MAN1A1: variants seen among roughly 807,000 people sequenced by gnomAD.
The protein encoded by MAN1A1 is mannosidase alpha class 1A member 1.
Under a neutral mutation model 70.8 loss-of-function variants are expected in MAN1A1, and 29 were observed. That is an observed-to-expected ratio of 0.41 (90% CI 0.31 to 0.56). MAN1A1 has a LOEUF of 0.56. MAN1A1 is among the 20% of genes least tolerant of loss of function. The pLI, the probability that MAN1A1 is intolerant of heterozygous loss-of-function variation, is 0.29. For missense variants in MAN1A1, 747 were observed against 841.3 expected, an observed-to-expected ratio of 0.89 and a Z score of 1.39; for synonymous variants, 349 against 330.1, an observed-to-expected ratio of 1.06 and a Z score of -0.62.
At chr6:119,184,085 G>A (rs1445192191) in intron 11 of MAN1A1, among the ~76,000 whole-genome samples, 1 of 152,058 alleles carries the variant, frequency 6.6e-6, no homozygotes, top group South Asian at 2.1e-4. Context: ...TAAGACTTTA[G>A]GAACGTGAAG....
chr6:119,259,413 T>A (rs1387784623), intron 5 of MAN1A1, among the ~76,000 whole-genome samples: 1 of 152,218 alleles, frequency 6.6e-6, no homozygotes, highest in Non-Finnish European at 1.5e-5. Flanking sequence ...TTTGCAAATT[T>A]ACAAAGTCAA....
intron 9 of MAN1A1, 41 bp from the exon 10 acceptor site, chr6:119,189,924 C>A: frequency 6.9e-7 from 1 of 1,452,480 alleles, no homozygotes. Context: ...GTAATCTCTT[C>A]TCAAATTTAT....
chr6:119,266,406 T>C (rs566659960), intron 5 of MAN1A1, among the ~76,000 whole-genome samples: 1 of 152,202 alleles, frequency 6.6e-6, no homozygotes, highest in Non-Finnish European at 1.5e-5. Context: ...TGGAACAGAA[T>C]AGAGAGCCTA....
intron 6 of MAN1A1, among the ~76,000 whole-genome samples, chr6:119,211,587 CT>C (rs1774051889): frequency 6.6e-6 from 1 of 152,184 alleles, no homozygotes; most frequent in African/African-American, 2.4e-5. Context: ...ATACATGCCC[CT>C]CTTATAGCCA....
At chr6:119,314,713 CA>C (rs1772804914) in intron 2 of MAN1A1, among the ~76,000 whole-genome samples, 1 of 152,120 alleles carries the variant, frequency 6.6e-6, no homozygotes, top group Admixed American at 6.5e-5. Flanking sequence ...AAGCTGTGGC[CA>C]GGCCTGGCAC....
intron 2 of MAN1A1, among the ~76,000 whole-genome samples, chr6:119,322,799 G>A (rs1388230361): frequency 1.3e-5 from 2 of 152,208 alleles, no homozygotes; most frequent in Non-Finnish European, 2.9e-5. Context: ...GAATTAGGAA[G>A]TAGCAAACCA....
At chr6:119,328,657 A>G (rs1773222288) in intron 2 of MAN1A1, among the ~76,000 whole-genome samples, 1 of 152,124 alleles carries the variant, frequency 6.6e-6, no homozygotes, top group Admixed American at 6.5e-5. Context: ...AAAAGATAAG[A>G]CCTGATTATT....
chr6:119,211,215 CTA>C (rs1774041857), intron 6 of MAN1A1, among the ~76,000 whole-genome samples: 1 of 152,198 alleles, frequency 6.6e-6, no homozygotes, highest in Non-Finnish European at 1.5e-5. Flanking sequence ...TGAAATTTGG[CTA>C]TGTTTTCCAT....
chr6:119,251,101 T>C (rs1422245192), intron 5 of MAN1A1, among the ~76,000 whole-genome samples: 1 of 152,204 alleles, frequency 6.6e-6, no homozygotes, highest in Non-Finnish European at 1.5e-5. Flanking sequence ...TGCCAGGTAC[T>C]ATGAAATGCA....
intron 6 of MAN1A1, among the ~76,000 whole-genome samples, chr6:119,209,389 C>T (rs1483688444): frequency 6.6e-6 from 1 of 152,152 alleles, no homozygotes; most frequent in African/African-American, 2.4e-5. Flanking sequence ...GAGCTGTAAA[C>T]AAACTTCATT....
Position 119,180,097 on chromosome 6 carries a change from T to C in MAN1A1, c.1836-152A>G, listed in dbSNP as rs553952729. 656 of 870,264 alleles carry C rather than the reference T, an allele frequency of 7.5e-4. 6 individuals are homozygous for C. In the African/African-American group the frequency reaches 9.6e-3, roughly 13 times the overall value. 53.9% of individuals were successfully genotyped at this position (870,264 alleles called of 1,614,324 possible). The stretch of plus-strand genomic sequence containing the variant: ...ATATCAAAACCCTGAGGGGTTATAC[T>C]CATTAACATGGGGTAAAGCAGCTAC... On this transcript the variant is annotated intron_variant, in intron 12 of 12. Coordinates refer to ENST00000368468, the MANE Select transcript of MAN1A1 (RefSeq NM_005907.4).
chr6:119,192,859 T>C (rs1369947537), intron 9 of MAN1A1, among the ~76,000 whole-genome samples: 1 of 151,714 alleles, frequency 6.6e-6, no homozygotes, highest in Non-Finnish European at 1.5e-5. Context: ...TTTATTTACT[T>C]TCTAACTTTA....
At chr6:119,279,771 C>T (rs1236771786) in intron 5 of MAN1A1, among the ~76,000 whole-genome samples, 1 of 152,162 alleles carries the variant, frequency 6.6e-6, no homozygotes, top group Admixed American at 6.6e-5. Context: ...CATCTGTCTT[C>T]GTGAATGCCA....
At chr6:119,200,399 T>C (rs759773983) in intron 8 of MAN1A1, among the ~76,000 whole-genome samples, 17 of 152,302 alleles carry the variant, frequency 1.1e-4, no homozygotes, top group African/African-American at 3.8e-4. Flanking sequence ...TATTTTAGCA[T>C]ATGGATTTTG....
Position 119,197,018 on chromosome 6 carries a change from G to A in MAN1A1, c.1211-3126C>T, listed in dbSNP as rs143952598. On this transcript the variant is annotated intron_variant, in intron 8 of 12. Coordinates refer to ENST00000368468, the MANE Select transcript of MAN1A1 (RefSeq NM_005907.4). ...AGAACAAGCAGAACAACCATTAAAA[G>A]CAGAGGCAGGTCCAGCGTGGTGTTT... Among the ~76,000 whole-genome samples the A allele has an allele frequency of 5.5e-3, 839 of 152,248 alleles. 7 individuals carry two copies. Among genetic ancestry groups the A allele is most frequent in the African/African-American group, 0.019 (798 of 41,548 alleles).
chr6:119,220,805 T>C (rs1275743495), intron 6 of MAN1A1, among the ~76,000 whole-genome samples: 3 of 152,170 alleles, frequency 2.0e-5, no homozygotes, highest in Non-Finnish European at 4.4e-5. Context: ...GCAGTTAAAT[T>C]AGCCAATTTC....
chr6:119,345,454 G>A (rs1052679726), intron 2 of MAN1A1, among the ~76,000 whole-genome samples: 2 of 152,100 alleles, frequency 1.3e-5, no homozygotes, highest in Non-Finnish European at 2.9e-5. Context: ...GGTGAAGGGA[G>A]GAAGATCTTA....
intron 6 of MAN1A1, among the ~76,000 whole-genome samples, chr6:119,242,730 T>C (rs1484969609): frequency 6.6e-6 from 1 of 152,176 alleles, no homozygotes; most frequent in Non-Finnish European, 1.5e-5. Context: ...GAGGTCAAGA[T>C]AGGCATTATT....
chr6:119,236,613 C>A (rs1774852215), intron 6 of MAN1A1, among the ~76,000 whole-genome samples: 1 of 147,944 alleles, frequency 6.8e-6, no homozygotes, highest in Non-Finnish European at 1.5e-5. Context: ...GAGGTTGAGG[C>A]AGAAGAATGG....
Sources: gnomAD v4.1 joint callset for allele counts (sites outside exome capture counted in the v4.1 genomes callset) on GRCh38, gnomAD v4.1.1 for gene constraint, MANE v1.5 for transcripts, NCBI Gene and HGNC (gene_info 2026-07-23, HGNC 2026-07-21) for gene names.